PCDHA7: variants seen among roughly 807,000 people sequenced by gnomAD.
PCDHA7 encodes protocadherin alpha 7, also known as protocadherin alpha-7.
In PCDHA7, 37 loss-of-function variants were observed where a neutral mutation model predicts 57.2. That is an observed-to-expected ratio of 0.65 (90% CI 0.50 to 0.85). The LOEUF is 0.85. PCDHA7 is among the 40% of genes least tolerant of loss of function. The probability of loss-of-function intolerance (pLI) is 0.00; values close to 1 mark genes in which losing one functional copy is unlikely to be tolerated. For missense variants in PCDHA7, 1,188 were observed against 1,241.8 expected (o/e 0.96, Z 0.65); for synonymous variants, 553 against 558.8 (o/e 0.99, Z 0.15).
At chr5:140,936,433 G>A (rs907839925) in intron 1 of PCDHA7, among the ~76,000 whole-genome samples, 4 of 152,126 alleles carry the variant, frequency 2.6e-5, no homozygotes, top group Admixed American at 2.6e-4. Flanking sequence ...ATTAATTTAA[G>A]CTTAAATAAC....
At position 140,978,970 on chromosome 5, in the gene PCDHA7, T is replaced by A; in HGVS notation, c.2377T>A (p.Trp793Arg). The change falls in exon 2 of 4, where the codon TGG (tryptophan) becomes AGG (arginine). Residue 793 changes from tryptophan to arginine, a missense_variant. Coordinates refer to ENST00000525929, the MANE Select transcript of PCDHA7 (RefSeq NM_018910.3). ...TDNPRQPNPD[W>R]RYSASLRAGM... is the part of the protein sequence containing the mutation. Reference sequence around the variant, plus strand: ...GCAGCCACGACAGCCCAACCCTGACTGGCGTTACTCTGCCTCCCTGAGAGC... The same window carrying A: ...GCAGCCACGACAGCCCAACCCTGACAGGCGTTACTCTGCCTCCCTGAGAGC... 6.2e-7 allele frequency: 1 copy of A among 1,614,216 alleles called. No homozygotes were observed. Among genetic ancestry groups the A allele is most frequent in the Admixed American group, 1.7e-5 (1 of 60,030 alleles).
chr5:140,954,615 C>A (rs782262504), intron 1 of PCDHA7, among the ~76,000 whole-genome samples: 16 of 151,806 alleles, frequency 1.1e-4, no homozygotes, highest in Non-Finnish European at 1.6e-4. Context: ...TTTTAATGGG[C>A]TTGTTTGGGT....
intron 1 of PCDHA7, chr5:140,968,772 C>T (rs782257554): frequency 1.2e-6 from 2 of 1,614,180 alleles, no homozygotes; most frequent in South Asian, 1.1e-5. Context: ...GGAGAGCCAT[C>T]ACTATCAGCC....
chr5:140,904,139 A>C (rs557435150), intron 1 of PCDHA7, among the ~76,000 whole-genome samples: 10 of 152,286 alleles, frequency 6.6e-5, no homozygotes, highest in African/African-American at 2.2e-4. Flanking sequence ...TCACCCGAGC[A>C]GTATACATTG....
intron 3 of PCDHA7, among the ~76,000 whole-genome samples, chr5:140,986,070 A>G (rs1554247713): frequency 6.6e-6 from 1 of 152,126 alleles, no homozygotes; most frequent in African/African-American, 2.4e-5. Flanking sequence ...TTTTAAAGAA[A>G]CTGTTCATTT....
chr5:140,856,535 G>C (rs782625131), intron 1 of PCDHA7: 1 of 1,598,416 alleles, frequency 6.3e-7, no homozygotes, highest in Non-Finnish European at 8.6e-7. Flanking sequence ...GGATGTTGGA[G>C]AGAACGCATT....
At chr5:140,865,963 C>A (rs182783301) in intron 1 of PCDHA7, 23 of 152,226 alleles carry the variant, frequency 1.5e-4, no homozygotes, top group Non-Finnish European at 3.1e-4. Flanking sequence ...TAATTTTGTA[C>A]AATGTGTGAT....
At chr5:140,957,919 A>G (rs1477103013) in intron 1 of PCDHA7, among the ~76,000 whole-genome samples, 1 of 152,158 alleles carries the variant, frequency 6.6e-6, no homozygotes, top group Non-Finnish European at 1.5e-5. Flanking sequence ...TTATCTATGT[A>G]TCAAGCTAAA....
At chr5:140,960,064 T>G (rs1352718360) in intron 1 of PCDHA7, among the ~76,000 whole-genome samples, 1 of 152,208 alleles carries the variant, frequency 6.6e-6, no homozygotes, top group Admixed American at 6.5e-5. Flanking sequence ...TACAGAAGAT[T>G]CAATTGAAGT....
chr5:140,997,557 A>G lies in PCDHA7; in HGVS notation c.2504-12070A>G, dbSNP rs1392974918. On this transcript the variant is annotated intron_variant, in intron 3 of 3. Coordinates refer to ENST00000525929, the MANE Select transcript of PCDHA7 (RefSeq NM_018910.3). ...TACATTATTATAATCTTACAGGACA[A>G]CTGTCATATGTGTGGTCCGTTGTTG... is the stretch of plus-strand genomic sequence containing the variant. Among the ~76,000 whole-genome samples, 15 of 152,262 alleles carry G rather than the reference A, an allele frequency of 9.9e-5. No individual in the cohort carries two copies. In the South Asian group the frequency reaches 1.2e-3, roughly 13 times the overall value.
chr5:140,871,668 T>G (rs2053250173), intron 1 of PCDHA7: 6 of 1,174,012 alleles, frequency 5.1e-6, no homozygotes, highest in Non-Finnish European at 7.0e-6. Context: ...CTTCAGTCTT[T>G]TAATCATATG....
chr5:140,962,637 T>A (rs556134281), intron 1 of PCDHA7, among the ~76,000 whole-genome samples: 3 of 152,338 alleles, frequency 2.0e-5, no homozygotes, highest in Admixed American at 6.5e-5. Flanking sequence ...AATTTAGCCA[T>A]CAAGTTATGT....
intron 1 of PCDHA7, chr5:140,882,990 A>T (rs1554176394): frequency 6.2e-7 from 1 of 1,614,130 alleles, no homozygotes; most frequent in Admixed American, 1.7e-5. Context: ...AACGCCCCGG[A>T]ATTTTACCAA....
intron 1 of PCDHA7, among the ~76,000 whole-genome samples, chr5:140,909,031 A>G (rs782567758): frequency 7.9e-5 from 12 of 152,106 alleles, no homozygotes; most frequent in Non-Finnish European, 1.6e-4. Flanking sequence ...TTAGTCATTT[A>G]TTTTCCATAC....
chr5:140,899,464 T>A (rs1357482231), intron 1 of PCDHA7, among the ~76,000 whole-genome samples: 22 of 152,226 alleles, frequency 1.4e-4, no homozygotes, highest in Admixed American at 2.0e-4. Context: ...GGTTTTTGTC[T>A]TTGGTTCTGT....
chr5:140,923,245 G>T (rs1584300888), intron 1 of PCDHA7, among the ~76,000 whole-genome samples: 3 of 152,190 alleles, frequency 2.0e-5, no homozygotes, highest in East Asian at 1.9e-4. Context: ...TTTGAGACCA[G>T]CTGGGCAACA....
chr5:140,841,299 C>G (rs2150312843), intron 1 of PCDHA7: 11 of 1,365,702 alleles, frequency 8.1e-6, no homozygotes, highest in East Asian at 5.9e-5. Flanking sequence ...ATAATATTTT[C>G]TGATAGGAAA....
In PCDHA7 at chr5:140,858,295, G is replaced by A. The variant is rs190932191; in HGVS notation, c.2355+21557G>A. ...GCGCGGTGGGGAGCTGGTCTTACTC[G>A]CAGCAGAGGCGGCAGAGGGTGTGTT... On this transcript the variant is annotated intron_variant, in intron 1 of 3. Coordinates refer to ENST00000525929, the MANE Select transcript of PCDHA7 (RefSeq NM_018910.3). 2.6e-3 allele frequency: 4,219 copies of A among 1,597,346 alleles called. 330 individuals are homozygous for A. The highest frequency in any genetic ancestry group is 0.01 in the Middle Eastern group (61 of 5,988).
chr5:140,875,984 C>T (rs2056022183), intron 1 of PCDHA7: 1 of 1,613,870 alleles, frequency 6.2e-7, no homozygotes, highest in East Asian at 2.2e-5. Flanking sequence ...TTGACCTATG[C>T]GTTAAGTCTA....
Sources: gnomAD v4.1 joint callset for allele counts (sites outside exome capture counted in the v4.1 genomes callset) on GRCh38, gnomAD v4.1.1 for gene constraint, MANE v1.5 for transcripts, NCBI Gene and HGNC (gene_info 2026-07-23, HGNC 2026-07-21) for gene names.